The following CNTNAP5 variants were observed in gnomAD, a reference collection of about 807,000 sequenced individuals.
The protein encoded by CNTNAP5 is contactin associated protein family member 5.
A neutral mutation model predicts 150.2 loss-of-function variants in CNTNAP5; 72 were observed. The observed-to-expected ratio is 0.48, with a 90% confidence interval of 0.40 to 0.58. CNTNAP5 has a LOEUF of 0.58. CNTNAP5 is among the 20% of genes least tolerant of loss of function. The pLI is 0.00. For missense variants in CNTNAP5, 1,636 were observed against 1,626.2 expected (o/e 1.01, Z -0.10); for synonymous variants, 672 against 619.8 (o/e 1.08, Z -1.25).
intron 3 of CNTNAP5, among the ~76,000 whole-genome samples, chr2:124,288,415 G>A (rs1392345925): frequency 6.6e-6 from 1 of 152,132 alleles, no homozygotes; most frequent in African/African-American, 2.4e-5. Flanking sequence ...GCACTGTGTT[G>A]AGACCCAGGA....
At chr2:124,660,557 A>G (rs1017565823) in intron 13 of CNTNAP5, among the ~76,000 whole-genome samples, 1 of 152,196 alleles carries the variant, frequency 6.6e-6, no homozygotes, top group African/African-American at 2.4e-5. Context: ...ATCCAAAGCA[A>G]TACCATTTTA....
chr2:124,326,825 G>A (rs960798445), intron 3 of CNTNAP5, among the ~76,000 whole-genome samples: 6 of 151,900 alleles, frequency 3.9e-5, no homozygotes, highest in African/African-American at 1.4e-4. Flanking sequence ...ACAAATATTA[G>A]TTGGGGATGG....
chr2:124,412,850 C>A (rs1370992363), intron 3 of CNTNAP5, among the ~76,000 whole-genome samples: 1 of 100,662 alleles, frequency 9.9e-6, no homozygotes, highest in Non-Finnish European at 2.0e-5. Context: ...ACACCAAAAG[C>A]AATGGCAACA....
At chr2:124,298,872 A>G (rs1424606102) in intron 3 of CNTNAP5, among the ~76,000 whole-genome samples, 1 of 152,060 alleles carries the variant, frequency 6.6e-6, no homozygotes, top group Non-Finnish European at 1.5e-5. Flanking sequence ...TAACTTAACC[A>G]CTTAGTGCTG....
intron 13 of CNTNAP5, among the ~76,000 whole-genome samples, chr2:124,743,678 C>T (rs186779696): frequency 6.6e-6 from 1 of 152,192 alleles, no homozygotes; most frequent in Non-Finnish European, 1.5e-5. Context: ...GGTAGTCCAG[C>T]ATCTTCATAA....
intron 3 of CNTNAP5, among the ~76,000 whole-genome samples, chr2:124,329,750 G>A (rs1043536478): frequency 4.6e-5 from 7 of 152,132 alleles, no homozygotes; most frequent in African/African-American, 1.4e-4. Flanking sequence ...GGTAGTGTTT[G>A]GAGGCTTCCC....
chr2:124,295,336 T>C (rs1376218546), intron 3 of CNTNAP5, among the ~76,000 whole-genome samples: 2 of 70,590 alleles, frequency 2.8e-5, no homozygotes, highest in Non-Finnish European at 5.8e-5. Context: ...TTATGTGGTG[T>C]ACAGAGGCCT....
intron 1 of CNTNAP5, among the ~76,000 whole-genome samples, chr2:124,045,424 A>G (rs1252539273): frequency 2.0e-5 from 3 of 151,606 alleles, no homozygotes; most frequent in African/African-American, 7.3e-5. Context: ...CAGCCTCCCA[A>G]GTAGCTGGGA....
chr2:124,630,355 C>T (rs1289932717), intron 12 of CNTNAP5, among the ~76,000 whole-genome samples: 5 of 152,188 alleles, frequency 3.3e-5, no homozygotes. Context: ...CCCAGCAGCA[C>T]ATCAAATAGC....
At chr2:124,145,836 A>AAAAAAAG (rs1558773986) in intron 1 of CNTNAP5, among the ~76,000 whole-genome samples, 33 of 75,716 alleles carry the variant, frequency 4.4e-4, no homozygotes, top group Non-Finnish European at 5.6e-4. Context: ...AAAGAAGAAA[A>AAAAAAAG]AAAAAAAAAA....
rs1470449919 is a variant in CNTNAP5 at position 124,919,225 on chromosome 2, G to A, written c.*4937G>A. 6.6e-6 allele frequency among the ~76,000 whole-genome samples: 1 copy of A among 152,044 alleles called. No homozygotes were observed. Among genetic ancestry groups the A allele is most frequent in the Non-Finnish European group, 1.5e-5 (1 of 68,014 alleles). Reference sequence around the variant, plus strand: ...ACATATCTGTTTGGTAGGGAGAGAAGCATTCCTCTTTTATGTTGACAATTA... The same window carrying A: ...ACATATCTGTTTGGTAGGGAGAGAAACATTCCTCTTTTATGTTGACAATTA... On this transcript the variant is annotated 3_prime_UTR_variant, in exon 24 of 24. Transcript: ENST00000682447.
At chr2:124,477,283 GTGTT>G (rs1481969720) in intron 7 of CNTNAP5, among the ~76,000 whole-genome samples, 2 of 151,986 alleles carry the variant, frequency 1.3e-5, no homozygotes, top group African/African-American at 4.8e-5. Flanking sequence ...AAATGACTTT[GTGTT>G]TGTTTTATTC....
At chr2:124,719,390 T>C (rs1316976597) in intron 13 of CNTNAP5, among the ~76,000 whole-genome samples, 2 of 152,120 alleles carry the variant, frequency 1.3e-5, no homozygotes, top group Non-Finnish European at 2.9e-5. Context: ...AAATCAAAGT[T>C]CCCGTCTCTG....
intron 3 of CNTNAP5, among the ~76,000 whole-genome samples, chr2:124,370,580 C>G (rs1690499676): frequency 6.6e-6 from 1 of 152,118 alleles, no homozygotes; most frequent in African/African-American, 2.4e-5. Flanking sequence ...TTTAATCTAC[C>G]TTCCACTCCA....
chr2:124,608,100 G>T (rs1398618302), intron 11 of CNTNAP5, among the ~76,000 whole-genome samples: 1 of 152,164 alleles, frequency 6.6e-6, no homozygotes, highest in African/African-American at 2.4e-5. Flanking sequence ...ATTTGATCAT[G>T]ACAAACTGCA....
At chr2:124,702,985 A>T (rs778767644) in intron 13 of CNTNAP5, among the ~76,000 whole-genome samples, 8 of 152,182 alleles carry the variant, frequency 5.3e-5, no homozygotes, top group Admixed American at 1.3e-4. Context: ...TTACTTTATA[A>T]TGTTAAATGT....
At position 124,527,269 on chromosome 2, in the gene CNTNAP5, T is replaced by G. The variant is rs749854227; in HGVS notation, c.1478-16T>G. On this transcript the variant is annotated splice_polypyrimidine_tract_variant and intron_variant, in intron 9 of 23. Transcript: ENST00000682447. Reference sequence around the variant, plus strand: ...CATTTCAGCATTCTTCTTCATCTTTTTTCTCTGTCCCACAGGGTGCCCCGA... The same window carrying G: ...CATTTCAGCATTCTTCTTCATCTTTGTTCTCTGTCCCACAGGGTGCCCCGA... 1.9e-6 allele frequency: 3 copies of G among 1,605,392 alleles called. No homozygotes were observed. The African/African-American group carries it at 4.0e-5, about 22-fold the overall frequency.
intron 13 of CNTNAP5, among the ~76,000 whole-genome samples, chr2:124,733,666 G>A (rs1680322088): frequency 6.6e-6 from 1 of 152,130 alleles, no homozygotes; most frequent in Non-Finnish European, 1.5e-5. Context: ...AGAGCAGATT[G>A]CTAGTTTTTT....
rs185324249 is a variant in CNTNAP5, at chr2:124,747,383, A to G, written c.2232A>G (p.Glu744=). 1 of 1,613,742 alleles carries G rather than the reference A, an allele frequency of 6.2e-7. No individual in the cohort carries two copies. Among genetic ancestry groups the G allele is most frequent in the East Asian group, 2.2e-5 (1 of 44,834 alleles). The change falls in exon 14 of 24, where the codon GAA becomes GAG. Residue 744 remains glutamate, a splice_region_variant and synonymous_variant. Transcript: ENST00000682447. The stretch of plus-strand genomic sequence containing the variant: ...GCAATTGCGACGCTGACAAGGATGA[A>G]TGGTAATGAGAATCTCCATCTTTCT... ...HFCNCDADKD[E]WTNDTGFLSF...
Sources: allele counts gnomAD v4.1 joint callset (sites outside exome capture counted in the v4.1 genomes callset), GRCh38; gene constraint gnomAD v4.1.1; transcripts MANE v1.5; gene names NCBI Gene and HGNC (gene_info 2026-07-23, HGNC 2026-07-21).